The following MTCL1 variants were observed in gnomAD, a reference collection of about 807,000 sequenced individuals.
MTCL1 encodes microtubule crosslinking factor 1, also known as microtubule cross-linking factor 1.
MTCL1 carries 79 observed loss-of-function variants against 141.4 expected under a neutral mutation model. That is an observed-to-expected ratio of 0.56 (90% CI 0.47 to 0.67). The LOEUF is 0.67. Among genes scored for constraint, MTCL1 ranks in the 30% least tolerant of loss-of-function variants. The pLI, the probability that MTCL1 is intolerant of heterozygous loss-of-function variation, is 0.00. For missense variants in MTCL1, 2,177 were observed against 2,113.9 expected, an observed-to-expected ratio of 1.03 and a Z score of -0.59; for synonymous variants, 914 against 875.8, an observed-to-expected ratio of 1.04 and a Z score of -0.77.
chr18:8,811,594 A>G (rs1189914105), intron 11 of MTCL1, among the ~76,000 whole-genome samples: 1 of 152,156 alleles, frequency 6.6e-6, no homozygotes, highest in Non-Finnish European at 1.5e-5. Context: ...ATAATCAGCT[A>G]TGAATTATTT....
chr18:8,713,161 C>T (rs2096105011), upstream of MTCL1, among the ~76,000 whole-genome samples: 1 of 152,170 alleles, frequency 6.6e-6, no homozygotes, highest in Non-Finnish European at 1.5e-5. Flanking sequence ...CTTGATTTGT[C>T]AGCCACAGGC....
chr18:8,712,977 A>T (rs547591180), upstream of MTCL1, among the ~76,000 whole-genome samples: 2 of 152,280 alleles, frequency 1.3e-5, no homozygotes, highest in African/African-American at 2.4e-5. Flanking sequence ...TATTAACATG[A>T]TTAAGAGTTT....
At chr18:8,788,708 A>G (rs953226154) in intron 7 of MTCL1, among the ~76,000 whole-genome samples, 3 of 152,170 alleles carry the variant, frequency 2.0e-5, no homozygotes, top group African/African-American at 7.2e-5. Context: ...ACCACCATTC[A>G]CTAAACCTGG....
intron 4 of MTCL1, among the ~76,000 whole-genome samples, chr18:8,737,590 A>G (rs1567960794): frequency 6.6e-6 from 1 of 152,178 alleles, no homozygotes; most frequent in Non-Finnish European, 1.5e-5. Flanking sequence ...CAGGTGACCA[A>G]CGCGAGGGCA....
intron 4 of MTCL1, among the ~76,000 whole-genome samples, chr18:8,767,973 T>C (rs921549423): frequency 6.6e-6 from 1 of 152,244 alleles, no homozygotes; most frequent in Non-Finnish European, 1.5e-5. Context: ...GAATGTTTTA[T>C]GAAAAATTTT....
At chr18:8,740,020 C>T (rs945442071) in intron 4 of MTCL1, among the ~76,000 whole-genome samples, 3 of 152,176 alleles carry the variant, frequency 2.0e-5, no homozygotes, top group Admixed American at 6.5e-5. Context: ...CGTGAGCCAC[C>T]GCGCCCAGCC....
At chr18:8,823,034 A>G (rs533698892) in intron 14 of MTCL1, among the ~76,000 whole-genome samples, 112 of 152,128 alleles carry the variant, frequency 7.4e-4, no homozygotes, top group African/African-American at 2.5e-3. Flanking sequence ...AAAAAAAAAA[A>G]AAGATAGATA....
chr18:8,803,159 T>TAAAAAAAAA (rs34017267), intron 10 of MTCL1, among the ~76,000 whole-genome samples: 2 of 145,348 alleles, frequency 1.4e-5, no homozygotes, highest in Admixed American at 1.4e-4. Flanking sequence ...AGGTAAAGTT[T>TAAAAAAAAA]AAAAAAAAAA....
intron 4 of MTCL1, among the ~76,000 whole-genome samples, chr18:8,775,867 A>G (rs1291774381): frequency 6.6e-6 from 1 of 151,990 alleles, no homozygotes; most frequent in Non-Finnish European, 1.5e-5. Flanking sequence ...GCCTTCTCTC[A>G]GTTATCTATT....
At chr18:8,710,373 A>G (rs1295396931) in intron 1 of MTCL1, among the ~76,000 whole-genome samples, 1 of 152,232 alleles carries the variant, frequency 6.6e-6, no homozygotes, top group East Asian at 1.9e-4. Context: ...TGATAAACTC[A>G]AATACATTTG....
Position 8,740,331 on chromosome 18 carries a change from C to G in MTCL1, c.357+19835C>G, listed in dbSNP as rs547247322. 7.2e-4 allele frequency among the ~76,000 whole-genome samples: 110 copies of G among 152,254 alleles called. 1 individual carries two copies. The highest frequency in any genetic ancestry group is 2.6e-3 in the African/African-American group (110 of 41,532). On this transcript the variant is annotated intron_variant, in intron 4 of 16. Coordinates refer to ENST00000359865, the Ensembl canonical transcript of MTCL1. ...AGAAGCAGGAACCCTCTGAAGCATC[C>G]GGAAATCCTTGAGAAACAAGACAAT...
chr18:8,773,265 C>T (rs760466435), intron 4 of MTCL1, among the ~76,000 whole-genome samples: 12 of 152,158 alleles, frequency 7.9e-5, no homozygotes, highest in Non-Finnish European at 1.6e-4. Flanking sequence ...TGCCATGCTG[C>T]GGGTTTCTCA....
chr18:8,735,085 A>G (rs1266411857), intron 4 of MTCL1, among the ~76,000 whole-genome samples: 1 of 152,218 alleles, frequency 6.6e-6, no homozygotes, highest in African/African-American at 2.4e-5. Flanking sequence ...GCTAGGATAT[A>G]TAATTACTCT....
At chr18:8,763,016 A>G (rs1567992968) in intron 4 of MTCL1, among the ~76,000 whole-genome samples, 1 of 152,160 alleles carries the variant, frequency 6.6e-6, no homozygotes, top group Non-Finnish European at 1.5e-5. Context: ...TAGCTTCTAT[A>G]AAGTCTTCTA....
chr18:8,728,733 T>C (rs1211873889), intron 4 of MTCL1, among the ~76,000 whole-genome samples: 20 of 106,192 alleles, frequency 1.9e-4, no homozygotes, highest in African/African-American at 8.0e-4. Flanking sequence ...TTTTTTTTTT[T>C]TTTTTTTTTT....
At chr18:8,710,760 C>T (rs1476274428) in intron 1 of MTCL1, among the ~76,000 whole-genome samples, 1 of 144,802 alleles carries the variant, frequency 6.9e-6, no homozygotes, top group Non-Finnish European at 1.5e-5. Flanking sequence ...AGCTTGGGAA[C>T]TAGTCTATGT....
chr18:8,829,020 C>T, intron 16 of MTCL1: 5 of 1,613,340 alleles, frequency 3.1e-6, no homozygotes, highest in Middle Eastern at 1.7e-4. Flanking sequence ...TTGTGTAACT[C>T]GCAGTTGGCA....
At chr18:8,773,578 A>C (rs887719892) in intron 4 of MTCL1, among the ~76,000 whole-genome samples, 1 of 152,084 alleles carries the variant, frequency 6.6e-6, no homozygotes, top group African/African-American at 2.4e-5. Context: ...CCAATCTATC[A>C]ATCTTTTCTC....
intron 4 of MTCL1, among the ~76,000 whole-genome samples, chr18:8,763,449 C>T (rs2096443388): frequency 6.6e-6 from 1 of 152,216 alleles, no homozygotes; most frequent in South Asian, 2.1e-4. Context: ...TGTCATGTGC[C>T]TGTGAATCTG....
Sources: allele counts gnomAD v4.1 joint callset (sites outside exome capture counted in the v4.1 genomes callset), GRCh38; gene constraint gnomAD v4.1.1; transcripts MANE v1.5; gene names NCBI Gene and HGNC (gene_info 2026-07-23, HGNC 2026-07-21).